Variants in NALF1 observed in about 807,000 individuals in gnomAD.
NALF1 encodes the protein family with sequence similarity 155 member A.
In NALF1, 3 loss-of-function variants were observed where a neutral mutation model predicts 48.4. The observed-to-expected ratio is 0.06, with a 90% CI of 0.03 to 0.16. The LOEUF (loss-of-function observed/expected upper bound fraction) is 0.16, where lower values mean the gene tolerates loss of function less well. Ranked by LOEUF, NALF1 falls within the 10% of genes least tolerant of loss-of-function variation. The probability of loss-of-function intolerance (pLI) is 1.00; values close to 1 mark genes in which losing one functional copy is unlikely to be tolerated. For missense variants in NALF1, 526 were observed against 571.5 expected, an observed-to-expected ratio of 0.92 and a Z score of 0.81; for synonymous variants, 262 against 245.7, an observed-to-expected ratio of 1.07 and a Z score of -0.62.
intron 1 of NALF1, among the ~76,000 whole-genome samples, chr13:107,724,163 C>A (rs1876076518): frequency 6.6e-6 from 1 of 151,868 alleles, no homozygotes; most frequent in Admixed American, 6.6e-5. Context: ...TATTTTTTTA[C>A]CCTCAATTTC....
intron 1 of NALF1, among the ~76,000 whole-genome samples, chr13:107,672,391 G>T (rs7993806): frequency 0.22 from 32,874 of 152,140 alleles, 3,749 homozygotes; most frequent in Middle Eastern, 0.37. Context: ...CTTATCCACA[G>T]AGTCTAGCAT....
intron 1 of NALF1, among the ~76,000 whole-genome samples, chr13:107,523,754 TAAC>T (rs890907292): frequency 3.9e-5 from 6 of 151,986 alleles, no homozygotes; most frequent in African/African-American, 1.4e-4. Context: ...AAGATAAAAA[TAAC>T]AAATTATTTT....
rs572763475 is a variant in NALF1, at chr13:107,750,730, A to C, written c.915+114952T>G. Reference sequence around the variant, plus strand: ...TGCTATAAAATGTCTTTACACTAAAATCTCTAAAATAAAATACCAAAATTG... The same window carrying C: ...TGCTATAAAATGTCTTTACACTAAACTCTCTAAAATAAAATACCAAAATTG... On this transcript the variant is annotated intron_variant, in intron 1 of 2. Coordinates refer to ENST00000375915, the MANE Select transcript of NALF1 (RefSeq NM_001080396.3). Among the ~76,000 whole-genome samples the C allele has an allele frequency of 9.2e-5, 14 of 152,336 alleles. No homozygotes were observed. In the East Asian group the frequency reaches 2.5e-3, roughly 27 times the overall value.
intron 1 of NALF1, among the ~76,000 whole-genome samples, chr13:107,583,032 C>T (rs1401771212): frequency 6.6e-6 from 1 of 152,092 alleles, no homozygotes; most frequent in Non-Finnish European, 1.5e-5. Flanking sequence ...TGAAATATCT[C>T]AGCAATGCAT....
At chr13:107,195,835 C>A (rs561290530) in intron 2 of NALF1, among the ~76,000 whole-genome samples, 1 of 152,250 alleles carries the variant, frequency 6.6e-6, no homozygotes, top group East Asian at 1.9e-4. Flanking sequence ...CACATATTCA[C>A]CACATTTATT....
At chr13:107,662,034 T>C (rs1880745625) in intron 1 of NALF1, among the ~76,000 whole-genome samples, 3 of 152,214 alleles carry the variant, frequency 2.0e-5, no homozygotes, top group Non-Finnish European at 4.4e-5. Context: ...GAAATCTTCC[T>C]AGATTAAAAG....
Position 107,586,917 on chromosome 13 carries a change from T to TA in NALF1, c.915+278764dup, listed in dbSNP as rs1431724830. Among the ~76,000 whole-genome samples the TA allele has an allele frequency of 2.0e-5, 3 of 152,216 alleles. No homozygotes were observed. In the East Asian group the frequency reaches 5.8e-4, roughly 29 times the overall value. ...AGATTAGAAATAGATTTACCATGAT[T>TA]AATCTATTATGCTAGCAAACTTATA... is the stretch of plus-strand genomic sequence containing the variant. On this transcript the variant is annotated intron_variant, in intron 1 of 2. Transcript: ENST00000375915.
At chr13:107,697,248 A>G (rs2138508809) in intron 1 of NALF1, among the ~76,000 whole-genome samples, 1 of 152,238 alleles carries the variant, frequency 6.6e-6, no homozygotes. Context: ...ATTCCACAGG[A>G]CACATATGTA....
intron 1 of NALF1, among the ~76,000 whole-genome samples, chr13:107,461,965 A>G (rs898694859): frequency 6.6e-6 from 1 of 152,170 alleles, no homozygotes; most frequent in African/African-American, 2.4e-5. Context: ...TGAGTTAAAA[A>G]AGGCAGTAGG....
At chr13:107,802,657 G>A (rs535507343) in intron 1 of NALF1, among the ~76,000 whole-genome samples, 1 of 151,728 alleles carries the variant, frequency 6.6e-6, no homozygotes, top group Non-Finnish European at 1.5e-5. Flanking sequence ...TTAATGACAA[G>A]AGCCATGTTT....
intron 1 of NALF1, among the ~76,000 whole-genome samples, chr13:107,578,588 T>G (rs1397683633): frequency 6.6e-6 from 1 of 152,188 alleles, no homozygotes; most frequent in East Asian, 1.9e-4. Flanking sequence ...CATTATATAT[T>G]GCCTTGATGC....
intron 1 of NALF1, among the ~76,000 whole-genome samples, chr13:107,624,963 C>G: frequency 6.6e-6 from 1 of 152,176 alleles, no homozygotes; most frequent in South Asian, 2.1e-4. Flanking sequence ...TTCCAAATCT[C>G]TATTCTTATG....
intron 1 of NALF1, among the ~76,000 whole-genome samples, chr13:107,651,004 C>T (rs1262639511): frequency 6.6e-6 from 1 of 151,944 alleles, no homozygotes; most frequent in Non-Finnish European, 1.5e-5. Context: ...ATAAAATAAT[C>T]TGTACAACAA....
chr13:107,440,904 TATAA>T (rs762178284), intron 1 of NALF1, among the ~76,000 whole-genome samples: 50 of 152,086 alleles, frequency 3.3e-4, no homozygotes, highest in South Asian at 6.2e-4. Flanking sequence ...GCAACTTCGG[TATAA>T]ATAAACAAGA....
intron 1 of NALF1, among the ~76,000 whole-genome samples, chr13:107,390,532 A>G (rs1883605674): frequency 6.6e-6 from 1 of 152,094 alleles, no homozygotes; most frequent in South Asian, 2.1e-4. Flanking sequence ...AAGCAATGAT[A>G]TGTATAAACC....
intron 1 of NALF1, among the ~76,000 whole-genome samples, chr13:107,449,916 A>G (rs1050704585): frequency 6.6e-6 from 1 of 152,198 alleles, no homozygotes; most frequent in African/African-American, 2.4e-5. Flanking sequence ...AAGTAGGCAG[A>G]GGAGGCTGTC....
At chr13:107,822,275 C>A (rs533181046) in intron 1 of NALF1, among the ~76,000 whole-genome samples, 9 of 151,916 alleles carry the variant, frequency 5.9e-5, no homozygotes, top group African/African-American at 2.2e-4. Flanking sequence ...GCTACACCAT[C>A]CCTCCAACCC....
At chr13:107,442,049 C>T (rs1449848330) in intron 1 of NALF1, among the ~76,000 whole-genome samples, 1 of 152,058 alleles carries the variant, frequency 6.6e-6, no homozygotes, top group Non-Finnish European at 1.5e-5. Flanking sequence ...ATGGATTGCC[C>T]CAAAGAGTGC....
intron 1 of NALF1, among the ~76,000 whole-genome samples, chr13:107,336,789 T>C (rs1882566192): frequency 6.6e-6 from 1 of 152,158 alleles, no homozygotes; most frequent in Non-Finnish European, 1.5e-5. Flanking sequence ...ATGAGTTGAT[T>C]TGAAGTGTCT....
Sources: gnomAD v4.1 joint callset for allele counts (sites outside exome capture counted in the v4.1 genomes callset) on GRCh38, gnomAD v4.1.1 for gene constraint, MANE v1.5 for transcripts, NCBI Gene and HGNC (gene_info 2026-07-23, HGNC 2026-07-21) for gene names.